IQCK: variants seen among roughly 807,000 people sequenced by gnomAD.
The protein encoded by IQCK is IQ motif containing K.
In IQCK, 29 loss-of-function variants were observed where a neutral mutation model predicts 28.1. The ratio of observed to expected loss-of-function variants is 1.03; its 90% confidence interval spans 0.77 to 1.41. IQCK has a LOEUF of 1.41. IQCK is among the 40% of genes most tolerant of loss of function. The probability of loss-of-function intolerance (pLI) is 0.00; values close to 1 mark genes in which losing one functional copy is unlikely to be tolerated. For synonymous variants in IQCK, 113 were observed against 115.1 expected (o/e 0.98, Z 0.12); for missense variants, 359 against 314.7 (o/e 1.14, Z -1.07).
intron 4 of IQCK, among the ~76,000 whole-genome samples, chr16:19,753,019 C>T (rs1343726360): frequency 6.6e-6 from 1 of 152,004 alleles, no homozygotes; most frequent in Non-Finnish European, 1.5e-5. Flanking sequence ...CATTTTGTGG[C>T]ACCAGCCTAT....
intron 6 of IQCK, among the ~76,000 whole-genome samples, chr16:19,778,295 T>G (rs1202899275): frequency 6.6e-6 from 1 of 152,122 alleles, no homozygotes; most frequent in Non-Finnish European, 1.5e-5. Context: ...AGAGCATTCT[T>G]GTGGGACTAA....
intron 7 of IQCK, among the ~76,000 whole-genome samples, chr16:19,793,648 T>TTG (rs1555519624): frequency 2.2e-4 from 25 of 112,312 alleles, no homozygotes; most frequent in Non-Finnish European, 3.5e-4. Flanking sequence ...GTTGGGTTTT[T>TTG]TTTTTTTTTT....
At chr16:19,841,375 A>G (rs2056360652) in intron 9 of IQCK, among the ~76,000 whole-genome samples, 1 of 152,178 alleles carries the variant, frequency 6.6e-6, no homozygotes, top group South Asian at 2.1e-4. Context: ...GCATCCAGAG[A>G]CTTGTCACTT....
intron 7 of IQCK, among the ~76,000 whole-genome samples, chr16:19,792,569 CTTT>C (rs777960791): frequency 2.0e-5 from 2 of 102,178 alleles, no homozygotes; most frequent in Non-Finnish European, 3.4e-5. Context: ...TACTGAACAC[CTTT>C]TTTTTTTTTT....
intron 6 of IQCK, among the ~76,000 whole-genome samples, chr16:19,764,820 G>A (rs1483037013): frequency 6.8e-6 from 1 of 148,080 alleles, no homozygotes; most frequent in African/African-American, 2.5e-5. Flanking sequence ...CTCCTGAGTA[G>A]CTGGGACTAC....
At chr16:19,844,863 C>T (rs961460577) in intron 9 of IQCK, among the ~76,000 whole-genome samples, 1 of 152,172 alleles carries the variant, frequency 6.6e-6, no homozygotes, top group Non-Finnish European at 1.5e-5. Context: ...GATTGTAGCA[C>T]AGTGGCACAA....
chr16:19,724,802 G>A (rs960471749), intron 1 of IQCK, among the ~76,000 whole-genome samples: 38 of 152,104 alleles, frequency 2.5e-4, no homozygotes, highest in African/African-American at 9.2e-4. Flanking sequence ...AAAGTGCTGG[G>A]ATTACAGGCG....
At chr16:19,762,435 A>G (rs750232983) in intron 4 of IQCK, among the ~76,000 whole-genome samples, 37 of 152,358 alleles carry the variant, frequency 2.4e-4, no homozygotes, top group Non-Finnish European at 4.6e-4. Context: ...CTGCAATTCC[A>G]AAAGCATGTA....
Position 19,807,518 on chromosome 16 carries a change from T to C in IQCK, c.690+18596T>C, listed in dbSNP as rs79282186. On this transcript the variant is annotated intron_variant, in intron 7 of 7. Coordinates refer to ENST00000564186, the Ensembl canonical transcript of IQCK. Reference sequence around the variant, plus strand: ...TATGGTCCAAGAACCAGTGCTATTATCATCATCAACTGGCATCTGGTTGGC... The same window carrying C: ...TATGGTCCAAGAACCAGTGCTATTACCATCATCAACTGGCATCTGGTTGGC... Among the ~76,000 whole-genome samples, 5 of 152,216 alleles carry C rather than the reference T, an allele frequency of 3.3e-5. No homozygotes were observed. The East Asian group carries it at 9.6e-4, about 29-fold the overall frequency.
At chr16:19,773,845 G>T (rs2055351271) in intron 6 of IQCK, among the ~76,000 whole-genome samples, 1 of 152,192 alleles carries the variant, frequency 6.6e-6, no homozygotes, top group Non-Finnish European at 1.5e-5. Context: ...TGGAAGGAGA[G>T]AAAAGTTTAT....
chr16:19,750,215 C>T (rs1027417207), intron 4 of IQCK, among the ~76,000 whole-genome samples: 3 of 151,942 alleles, frequency 2.0e-5, no homozygotes, highest in Non-Finnish European at 4.4e-5. Context: ...CAACCTCTGC[C>T]TCCCTGGTTC....
rs559378016 is a variant in IQCK, at chr16:19,806,611, C to T, written c.690+17689C>T. On this transcript the variant is annotated intron_variant, in intron 7 of 7. Transcript: ENST00000564186. ...AACCCGAGGTGGAGGATGGCTTGAG[C>T]CCGGGAGGCAGAGCTTGCAGTGAGC... Among the ~76,000 whole-genome samples, 3 of 151,972 alleles carry T rather than the reference C, an allele frequency of 2.0e-5. No individual in the cohort carries two copies. The East Asian group carries it at 5.8e-4, about 29-fold the overall frequency.
intron 2 of IQCK, 77 bp from the exon 3 acceptor site, chr16:19,733,620 CT>C: frequency 1.3e-6 from 2 of 1,520,822 alleles, no homozygotes; most frequent in Non-Finnish European, 9.0e-7. Context: ...AATTTTATTC[CT>C]TCATAAGGTT....
intron 7 of IQCK, among the ~76,000 whole-genome samples, chr16:19,804,184 A>G (rs1045781207): frequency 1.3e-5 from 2 of 151,732 alleles, no homozygotes; most frequent in African/African-American, 4.8e-5. Flanking sequence ...CCCTGTCTCT[A>G]CTAAAAATAC....
chr16:19,744,201 AAT>A (rs1225240244), intron 4 of IQCK, among the ~76,000 whole-genome samples: 1 of 152,228 alleles, frequency 6.6e-6, no homozygotes, highest in African/African-American at 2.4e-5. Context: ...CTATGAATTT[AAT>A]ATAGTTTCTA....
chr16:19,772,429 C>A (rs367928366), intron 6 of IQCK, among the ~76,000 whole-genome samples: 25 of 152,170 alleles, frequency 1.6e-4, no homozygotes, highest in African/African-American at 5.8e-4. Context: ...AAAATTTGAA[C>A]ACTTAATAGC....
At chr16:19,839,080 CTG>C (rs2056333703) in intron 9 of IQCK, among the ~76,000 whole-genome samples, 1 of 147,180 alleles carries the variant, frequency 6.8e-6, no homozygotes, top group Non-Finnish European at 1.5e-5. Context: ...GGGGAGGAAA[CTG>C]TGTCTCAGAG....
At chr16:19,753,052 C>CAGAG (rs111298371) in intron 4 of IQCK, among the ~76,000 whole-genome samples, 110 of 148,676 alleles carry the variant, frequency 7.4e-4, no homozygotes, top group African/African-American at 2.4e-3. Flanking sequence ...TCAAGTGTAG[C>CAGAG]AGAGAGAGAG....
At chr16:19,730,291 G>C (rs147076861) in intron 1 of IQCK, 139 bp from the exon 2 acceptor site, 1 of 577,460 alleles carries the variant, frequency 1.7e-6, no homozygotes. Context: ...ATGTTAACCT[G>C]TCATGGCCAG....
Sources: gnomAD v4.1 joint callset for allele counts (sites outside exome capture counted in the v4.1 genomes callset) on GRCh38, gnomAD v4.1.1 for gene constraint, MANE v1.5 for transcripts, NCBI Gene and HGNC (gene_info 2026-07-23, HGNC 2026-07-21) for gene names.